PAK5: variants seen among roughly 807,000 people sequenced by gnomAD.
The protein encoded by PAK5 is serine/threonine-protein kinase PAK 5.
PAK5 carries 16 observed loss-of-function variants against 65.9 expected under a neutral mutation model. The observed-to-expected ratio is 0.24, with a 90% CI of 0.16 to 0.37. The LOEUF (loss-of-function observed/expected upper bound fraction) is 0.37. Ranked by LOEUF, PAK5 falls within the 10% of genes least tolerant of loss-of-function variation. PAK5 has a pLI of 1.00. For missense variants in PAK5, 785 were observed against 903.9 expected, an observed-to-expected ratio of 0.87 and a Z score of 1.69; for synonymous variants, 371 against 354.9, an observed-to-expected ratio of 1.05 and a Z score of -0.51.
intron 1 of PAK5, among the ~76,000 whole-genome samples, chr20:9,807,968 C>T (rs2049253529): frequency 1.3e-5 from 2 of 151,844 alleles, no homozygotes; most frequent in South Asian, 2.1e-4. Flanking sequence ...ATGAATGATA[C>T]AAAAGATTTT....
intron 1 of PAK5, among the ~76,000 whole-genome samples, chr20:9,744,351 CT>C (rs2048483401): frequency 6.6e-6 from 1 of 152,186 alleles, no homozygotes; most frequent in African/African-American, 2.4e-5. Flanking sequence ...AATATGGCTT[CT>C]TCTAGAACAA....
chr20:9,672,069 G>A (rs1004250389), intron 2 of PAK5, among the ~76,000 whole-genome samples: 4 of 151,980 alleles, frequency 2.6e-5, no homozygotes, highest in East Asian at 1.9e-4. Flanking sequence ...GATAATCAGC[G>A]AGGAAGGACA....
At chr20:9,548,561 C>T (rs1403353289) in intron 7 of PAK5, among the ~76,000 whole-genome samples, 2 of 152,196 alleles carry the variant, frequency 1.3e-5, no homozygotes, top group South Asian at 2.1e-4. Context: ...CTAGAGATGA[C>T]ATTCCTTGGG....
intron 1 of PAK5, among the ~76,000 whole-genome samples, chr20:9,796,439 T>C (rs1446318254): frequency 6.6e-6 from 1 of 151,926 alleles, no homozygotes; most frequent in African/African-American, 2.4e-5. Context: ...TTCCAGGAAA[T>C]TGGAAGACAT....
intron 3 of PAK5, among the ~76,000 whole-genome samples, chr20:9,612,733 C>T (rs2046586148): frequency 6.6e-6 from 1 of 152,124 alleles, no homozygotes; most frequent in Non-Finnish European, 1.5e-5. Flanking sequence ...CAAACCATAT[C>T]ACCCAGCTAC....
chr20:9,761,327 C>T (rs969298569), intron 1 of PAK5, among the ~76,000 whole-genome samples: 15 of 151,956 alleles, frequency 9.9e-5, no homozygotes, highest in Admixed American at 9.2e-4. Context: ...ATTAAGAATC[C>T]CTGCCCTTGA....
At chr20:9,547,832 A>C (rs978391127) in intron 7 of PAK5, among the ~76,000 whole-genome samples, 1 of 152,178 alleles carries the variant, frequency 6.6e-6, no homozygotes, top group African/African-American at 2.4e-5. Flanking sequence ...GACCTACTAA[A>C]GTCAGTTTCC....
At chr20:9,638,595 C>T (rs1452096761) in intron 3 of PAK5, among the ~76,000 whole-genome samples, 1 of 152,188 alleles carries the variant, frequency 6.6e-6, no homozygotes, top group African/African-American at 2.4e-5. Flanking sequence ...TTCTTGGGCC[C>T]CATCCCAGTT....
chr20:9,815,828 C>G (rs1265717806), intron 1 of PAK5, among the ~76,000 whole-genome samples: 1 of 152,164 alleles, frequency 6.6e-6, no homozygotes, highest in Non-Finnish European at 1.5e-5. Context: ...TGCCAAATGA[C>G]AGTTCCTGCC....
At chr20:9,766,623 C>T (rs1254714476) in intron 1 of PAK5, among the ~76,000 whole-genome samples, 1 of 147,638 alleles carries the variant, frequency 6.8e-6, no homozygotes, top group Admixed American at 6.8e-5. Flanking sequence ...GCTGTGAATC[C>T]CACAAACATA....
intron 1 of PAK5, among the ~76,000 whole-genome samples, chr20:9,774,387 T>G (rs900044442): frequency 1.3e-5 from 2 of 152,314 alleles, no homozygotes; most frequent in Admixed American, 1.3e-4. Context: ...TTACCATCCC[T>G]GGAGTTGGGG....
intron 2 of PAK5, among the ~76,000 whole-genome samples, chr20:9,673,502 G>A (rs2423408): frequency 0.064 from 9,689 of 152,122 alleles, 301 homozygotes; most frequent in South Asian, 0.083. Context: ...CATTAATTTT[G>A]TTCAATTTAA....
intron 1 of PAK5, among the ~76,000 whole-genome samples, chr20:9,720,208 T>A (rs1204669335): frequency 6.6e-6 from 1 of 152,140 alleles, no homozygotes; most frequent in Non-Finnish European, 1.5e-5. Context: ...GTCGTAACTG[T>A]CCCTGAGCTC....
chr20:9,601,980 T>G (rs1055157081), intron 3 of PAK5, among the ~76,000 whole-genome samples: 10 of 152,180 alleles, frequency 6.6e-5, no homozygotes, highest in African/African-American at 2.4e-4. Context: ...TTGTTTGCTA[T>G]GTAGCATTTT....
chr20:9,765,538 T>C (rs190167907), intron 1 of PAK5, among the ~76,000 whole-genome samples: 240 of 152,204 alleles, frequency 1.6e-3, no homozygotes, highest in Non-Finnish European at 3.0e-3. Context: ...ACTAATTCTA[T>C]GAGAGCTGTT....
chr20:9,619,779 A>C (rs2046736559), intron 3 of PAK5, among the ~76,000 whole-genome samples: 1 of 152,230 alleles, frequency 6.6e-6, no homozygotes, highest in Non-Finnish European at 1.5e-5. Context: ...CAATGTTTGA[A>C]GAAAGTAATT....
chr20:9,673,133 A>C (rs893988741), intron 2 of PAK5, among the ~76,000 whole-genome samples: 3 of 152,196 alleles, frequency 2.0e-5, no homozygotes, highest in Admixed American at 6.5e-5. Context: ...TGTTTGACAT[A>C]TTATTACACT....
rs545510601 is a variant in PAK5 at position 9,705,645 on chromosome 20, G to C, written c.-12+5641C>G. Among the ~76,000 whole-genome samples the C allele has an allele frequency of 5.3e-5, 8 of 152,168 alleles. No homozygotes were observed. In the South Asian group the frequency reaches 1.7e-3, roughly 32 times the overall value. ...CCTCAGTTCTAGGCAAACCGAGATG[G>C]TTGGTTACCTATACATCTTATATCC... is the stretch of plus-strand genomic sequence containing the variant. On this transcript the variant is annotated intron_variant, in intron 2 of 9. Coordinates refer to ENST00000353224, the MANE Select transcript of PAK5 (RefSeq NM_177990.4).
chr20:9,694,956 G>C (rs2047848682), intron 2 of PAK5, among the ~76,000 whole-genome samples: 1 of 151,852 alleles, frequency 6.6e-6, no homozygotes, highest in African/African-American at 2.4e-5. Flanking sequence ...AGTATATTTG[G>C]CTTTAGTAGA....
Sources: allele counts gnomAD v4.1 joint callset (sites outside exome capture counted in the v4.1 genomes callset), GRCh38; gene constraint gnomAD v4.1.1; transcripts MANE v1.5; gene names NCBI Gene and HGNC (gene_info 2026-07-23, HGNC 2026-07-21).